The following FBXO36 variants were observed in gnomAD, a reference collection of about 807,000 sequenced individuals.
The protein encoded by FBXO36 is F-box protein 36, also known as F-box only protein 36.
FBXO36 carries 18 observed loss-of-function variants against 17.0 expected under a neutral mutation model. The observed-to-expected ratio is 1.06, with a 90% confidence interval of 0.73 to 1.57. FBXO36 has a LOEUF of 1.57. Ranked by LOEUF, FBXO36 falls within the 40% of genes most tolerant of loss-of-function variation. The pLI, the probability that FBXO36 is intolerant of heterozygous loss-of-function variation, is 0.00. For synonymous variants in FBXO36, 83 were observed against 85.3 expected (o/e 0.97, Z 0.15); for missense variants, 229 against 221.9 (o/e 1.03, Z -0.20).
intron 1 of FBXO36, among the ~76,000 whole-genome samples, chr2:229,951,943 G>A (rs1476367976): frequency 6.6e-6 from 1 of 152,086 alleles, no homozygotes; most frequent in Middle Eastern, 3.2e-3. Context: ...ATATTGACAC[G>A]AAAGCTCTCG....
chr2:230,004,089 G>A lies in FBXO36; in HGVS notation c.379-6607G>A, dbSNP rs2077373959. Among the ~76,000 whole-genome samples, 3 of 152,214 alleles carry A rather than the reference G, an allele frequency of 2.0e-5. No individual in the cohort carries two copies. The South Asian group carries it at 6.2e-4, about 32-fold the overall frequency. ...TCCTGCCACCCTCTGCCCCAGCCAGGTCAGCTCCTTGCAGCTCTCTGTGTG... is the reference window on the plus strand; with the variant it reads ...TCCTGCCACCCTCTGCCCCAGCCAGATCAGCTCCTTGCAGCTCTCTGTGTG... On this transcript the variant is annotated intron_variant, in intron 3 of 3. Coordinates refer to ENST00000283946, the MANE Select transcript of FBXO36 (RefSeq NM_174899.5).
At chr2:229,954,192 A>G (rs182760472) in intron 1 of FBXO36, among the ~76,000 whole-genome samples, 5 of 150,106 alleles carry the variant, frequency 3.3e-5, no homozygotes, top group African/African-American at 1.2e-4. Flanking sequence ...TGTTGACTCA[A>G]TAGGTAAATG....
At chr2:229,993,677 A>G (rs544373520) in intron 2 of FBXO36, among the ~76,000 whole-genome samples, 2 of 152,224 alleles carry the variant, frequency 1.3e-5, no homozygotes, top group East Asian at 3.9e-4. Flanking sequence ...AAGCAAGAGT[A>G]TTTTTTCAAA....
At chr2:229,946,312 C>G (rs2077027026) in intron 1 of FBXO36, among the ~76,000 whole-genome samples, 1 of 152,200 alleles carries the variant, frequency 6.6e-6, no homozygotes, top group Admixed American at 6.5e-5. Flanking sequence ...CGCCCATTGT[C>G]ACCTCTATCC....
At chr2:229,961,554 T>C (rs960365149) in intron 1 of FBXO36, among the ~76,000 whole-genome samples, 42 of 152,216 alleles carry the variant, frequency 2.8e-4, no homozygotes, top group African/African-American at 9.9e-4. Flanking sequence ...TTTTGTATTT[T>C]TAGTAGAGAC....
At chr2:229,967,530 T>C (rs189589139) in intron 1 of FBXO36, among the ~76,000 whole-genome samples, 42 of 152,312 alleles carry the variant, frequency 2.8e-4, no homozygotes, top group South Asian at 6.2e-4. Flanking sequence ...TAAATAGCTG[T>C]TATTATTTTG....
intron 1 of FBXO36, among the ~76,000 whole-genome samples, chr2:229,958,924 T>C (rs900989740): frequency 6.6e-6 from 1 of 152,326 alleles, no homozygotes; most frequent in African/African-American, 2.4e-5. Flanking sequence ...CATTATTATC[T>C]CTTTGACACT....
intron 1 of FBXO36, among the ~76,000 whole-genome samples, chr2:229,958,725 C>T (rs1030360801): frequency 6.6e-5 from 10 of 152,100 alleles, no homozygotes; most frequent in South Asian, 2.1e-4. Context: ...CACGGTGTCC[C>T]GCTGCAAGAG....
Position 229,922,564 on chromosome 2 carries a change from G to T in FBXO36, c.51G>T (p.Pro17=). ...ETLFETVGQG[P]PPSKDYYQLL... ...TCTTTGAAACTGTAGGACAAGGCCC[G>T]CCGCCTAGCAAAGACTATTACCAGT... The change falls in exon 1 of 4, where the codon CCG becomes CCT. Residue 17 remains proline (P), a synonymous_variant. Coordinates refer to ENST00000283946, the MANE Select transcript of FBXO36 (RefSeq NM_174899.5). 1 of 1,614,078 alleles carries T rather than the reference G, an allele frequency of 6.2e-7. No individual in the cohort carries two copies. The highest frequency in any genetic ancestry group is 8.5e-7 in the Non-Finnish European group (1 of 1,180,018).
At chr2:229,997,416 A>G (rs868867631) in intron 3 of FBXO36, among the ~76,000 whole-genome samples, 36 of 151,894 alleles carry the variant, frequency 2.4e-4, no homozygotes, top group Admixed American at 9.9e-4. Flanking sequence ...CATCTCTACT[A>G]AAAATACAAA....
chr2:229,946,157 A>G (rs2077026298), intron 1 of FBXO36, among the ~76,000 whole-genome samples: 1 of 152,104 alleles, frequency 6.6e-6, no homozygotes. Context: ...AGACCATAGG[A>G]CTGTACTTCC....
chr2:229,990,079 A>T (rs2077290743), intron 2 of FBXO36, among the ~76,000 whole-genome samples: 1 of 151,818 alleles, frequency 6.6e-6, no homozygotes, highest in Non-Finnish European at 1.5e-5. Context: ...CTGAACAGCC[A>T]CTTATCCTTT....
chr2:229,964,544 G>A (rs972333526), intron 1 of FBXO36, among the ~76,000 whole-genome samples: 1 of 152,218 alleles, frequency 6.6e-6, no homozygotes, highest in Admixed American at 6.5e-5. Flanking sequence ...TTTTGAGACG[G>A]AGTCTCGCTC....
rs576530176 is a variant in FBXO36, at chr2:229,943,917, C to T, written c.96+21308C>T. On this transcript the variant is annotated intron_variant, in intron 1 of 3. Coordinates refer to ENST00000283946, the MANE Select transcript of FBXO36 (RefSeq NM_174899.5). Reference sequence around the variant, plus strand: ...GTGGGAGGTGATTAGATCATGGGGGCGGACTTCCCTCTTGCTGTTGTTGTG... The same window carrying T: ...GTGGGAGGTGATTAGATCATGGGGGTGGACTTCCCTCTTGCTGTTGTTGTG... Among the ~76,000 whole-genome samples the T allele has an allele frequency of 4.6e-5, 7 of 152,164 alleles. No individual in the cohort carries two copies. The East Asian group carries it at 1.2e-3, about 25-fold the overall frequency.
At chr2:229,932,129 C>T (rs1275784304) in intron 1 of FBXO36, among the ~76,000 whole-genome samples, 1 of 152,028 alleles carries the variant, frequency 6.6e-6, no homozygotes, top group Non-Finnish European at 1.5e-5. Flanking sequence ...CACCTGTAAT[C>T]CCAGCACTTC....
intron 2 of FBXO36, among the ~76,000 whole-genome samples, chr2:229,989,317 G>T (rs1022889402): frequency 1.3e-5 from 2 of 152,104 alleles, no homozygotes; most frequent in African/African-American, 4.8e-5. Context: ...GAATGCAATG[G>T]CACAATTTTG....
intron 2 of FBXO36, among the ~76,000 whole-genome samples, chr2:229,993,237 A>G (rs2077306852): frequency 6.6e-6 from 1 of 152,198 alleles, no homozygotes; most frequent in Non-Finnish European, 1.5e-5. Flanking sequence ...TAACAGAGCT[A>G]GATCTTTTTC....
intron 1 of FBXO36, among the ~76,000 whole-genome samples, chr2:229,934,891 CCT>C (rs1056570757): frequency 1.3e-5 from 2 of 152,084 alleles, no homozygotes; most frequent in Non-Finnish European, 2.9e-5. Context: ...CTGACCACAG[CCT>C]CTCAAAGTGC....
chr2:229,924,244 C>T (rs2154386793), intron 1 of FBXO36, among the ~76,000 whole-genome samples: 1 of 152,248 alleles, frequency 6.6e-6, no homozygotes, highest in Admixed American at 6.5e-5. Context: ...AGGCGTGCGC[C>T]ACCACACCCA....
Sources: gnomAD v4.1 joint callset for allele counts (sites outside exome capture counted in the v4.1 genomes callset) on GRCh38, gnomAD v4.1.1 for gene constraint, MANE v1.5 for transcripts, NCBI Gene and HGNC (gene_info 2026-07-23, HGNC 2026-07-21) for gene names.